Variants in TMEM132B observed in about 807,000 individuals in gnomAD.
The protein encoded by TMEM132B is transmembrane protein 132B.
In TMEM132B, 18 loss-of-function variants were observed where a neutral mutation model predicts 90.8. That is an observed-to-expected ratio of 0.20 (90% CI 0.14 to 0.29). TMEM132B has a LOEUF of 0.29. Among genes scored for constraint, TMEM132B ranks in the 10% least tolerant of loss-of-function variants. The pLI, the probability that TMEM132B is intolerant of heterozygous loss-of-function variation, is 1.00. For missense variants in TMEM132B, 1,096 were observed against 1,326.8 expected (o/e 0.83, Z 2.70); for synonymous variants, 504 against 523.3 (o/e 0.96, Z 0.50).
At chr12:125,205,100 C>T (rs1472518371) in intron 1 of TMEM132B, among the ~76,000 whole-genome samples, 2 of 150,256 alleles carry the variant, frequency 1.3e-5, no homozygotes, top group Non-Finnish European at 3.0e-5. Context: ...ATGAGGGCTC[C>T]GTGTACCAGG....
chr12:125,534,418 G>A (rs1435887911), intron 4 of TMEM132B, among the ~76,000 whole-genome samples: 2 of 152,192 alleles, frequency 1.3e-5, no homozygotes, highest in Non-Finnish European at 2.9e-5. Flanking sequence ...TCGAGAGGCT[G>A]AGGTGGGAGG....
intron 2 of TMEM132B, among the ~76,000 whole-genome samples, chr12:125,354,772 A>G (rs752970476): frequency 7.9e-5 from 12 of 152,154 alleles, no homozygotes; most frequent in Non-Finnish European, 1.3e-4. Context: ...TGGCACACCA[A>G]TTCTCTTTTA....
chr12:125,619,321 CATTTATTTATATTTATTTATTT>C (rs1886062896), intron 5 of TMEM132B, among the ~76,000 whole-genome samples: 1 of 150,002 alleles, frequency 6.7e-6, no homozygotes, highest in African/African-American at 2.5e-5. Flanking sequence ...CCTGCTGTGG[CATTTATTTATATTTATTTATTT>C]ATTTATTTAT....
intron 7 of TMEM132B, among the ~76,000 whole-genome samples, chr12:125,651,325 C>T (rs1181027016): frequency 6.6e-6 from 1 of 152,190 alleles, no homozygotes; most frequent in Admixed American, 6.5e-5. Flanking sequence ...TGTTTTTCCT[C>T]CTAACCTTGA....
chr12:125,307,416 T>C (rs1223169985), intron 1 of TMEM132B, among the ~76,000 whole-genome samples: 3 of 152,324 alleles, frequency 2.0e-5, no homozygotes, highest in Middle Eastern at 3.4e-3. Flanking sequence ...GTGATTTTCT[T>C]AACCTCTCTG....
rs1373644672 is a variant in TMEM132B at position 125,655,983 on chromosome 12, T to C, written c.*1273T>C. ...CCCAAAATCCATACAAATAAATGAC[T>C]ATTCCAGAACTCAAGAAGCAGCTAT... On this transcript the variant is annotated 3_prime_UTR_variant, in exon 9 of 9. Coordinates refer to ENST00000682704, the MANE Select transcript of TMEM132B (RefSeq NM_001366854.1). 6.6e-6 allele frequency: 1 copy of C among 151,802 alleles called. No homozygotes were observed. Among genetic ancestry groups the C allele is most frequent in the Non-Finnish European group, 1.5e-5 (1 of 67,976 alleles). 9.4% of individuals were successfully genotyped at this position (151,802 alleles called of 1,614,324 possible).
At chr12:125,463,853 G>T (rs576203755) in intron 3 of TMEM132B, among the ~76,000 whole-genome samples, 1 of 152,288 alleles carries the variant, frequency 6.6e-6, no homozygotes, top group South Asian at 2.1e-4. Context: ...TCACAGTTCT[G>T]CATGGCTGGA....
At chr12:125,653,505 AT>A (rs745890028) in intron 8 of TMEM132B, 59 bp from the exon 9 acceptor site, 32 of 1,500,248 alleles carry the variant, frequency 2.1e-5, no homozygotes, top group South Asian at 1.3e-4. Flanking sequence ...AATTATACTT[AT>A]GTTTTCAAAT....
At position 125,356,078 on chromosome 12, in the gene TMEM132B, T is replaced by C. The variant is rs182981016; in HGVS notation, c.959+5735T>C. ...TACACTTCCAGGAAAGTTTGAAATA[T>C]TATGAAATTCTGCCCCCTCCAAATA... On this transcript the variant is annotated intron_variant, in intron 2 of 8. Coordinates refer to ENST00000682704, the MANE Select transcript of TMEM132B (RefSeq NM_001366854.1). Among the ~76,000 whole-genome samples, 8 of 152,266 alleles carry C rather than the reference T, an allele frequency of 5.3e-5. No homozygotes were observed. In the East Asian group the frequency reaches 1.5e-3, roughly 29 times the overall value.
chr12:125,345,631 G>A (rs959217682), intron 1 of TMEM132B, among the ~76,000 whole-genome samples: 2 of 152,076 alleles, frequency 1.3e-5, no homozygotes, highest in African/African-American at 4.8e-5. Flanking sequence ...ATTTTGAGTC[G>A]GAGCATCCTT....
intron 1 of TMEM132B, among the ~76,000 whole-genome samples, chr12:125,250,812 G>C (rs543571288): frequency 1.6e-4 from 24 of 152,274 alleles, no homozygotes; most frequent in African/African-American, 5.8e-4. Context: ...CCACACTCAG[G>C]AGCCTGCAGG....
chr12:125,520,003 T>A (rs1190806593), intron 4 of TMEM132B, among the ~76,000 whole-genome samples: 1 of 152,224 alleles, frequency 6.6e-6, no homozygotes, highest in Non-Finnish European at 1.5e-5. Flanking sequence ...TCAATTGGCT[T>A]TGCCCTTAAG....
At chr12:125,470,909 G>T (rs1417931446) in intron 3 of TMEM132B, among the ~76,000 whole-genome samples, 1 of 152,210 alleles carries the variant, frequency 6.6e-6, no homozygotes, top group African/African-American at 2.4e-5. Flanking sequence ...TCCTCACAGA[G>T]ATCAGGCTCA....
chr12:125,595,466 T>C (rs1593012132), intron 5 of TMEM132B, among the ~76,000 whole-genome samples: 1 of 152,242 alleles, frequency 6.6e-6, no homozygotes, highest in South Asian at 2.1e-4. Flanking sequence ...TTGTATGTGA[T>C]AATAACTAGC....
intron 2 of TMEM132B, among the ~76,000 whole-genome samples, chr12:125,363,453 CAA>C (rs1878023953): frequency 1.3e-5 from 2 of 152,136 alleles, no homozygotes; most frequent in Non-Finnish European, 2.9e-5. Flanking sequence ...GGTCTAGGGG[CAA>C]GCAGTGTGGG....
chr12:125,472,902 A>G (rs545427628), intron 3 of TMEM132B, among the ~76,000 whole-genome samples: 54 of 152,342 alleles, frequency 3.5e-4, no homozygotes, highest in African/African-American at 1.3e-3. Flanking sequence ...AACAAAGTAT[A>G]GAAATGCAGT....
In TMEM132B at chr12:125,644,246, C is replaced by G; in HGVS notation, c.1608C>G (p.Ile536Met). ...TCTCAGACACCGAGCTGAGCCAGATCAAGGGCTGGAGGATCCCGGTTGCTG... is the reference window on the plus strand; with the variant it reads ...TCTCAGACACCGAGCTGAGCCAGATGAAGGGCTGGAGGATCCCGGTTGCTG... ...IEISDTELSQ[I>M]KGWRIPVAAN... The change falls in exon 6 of 9, where the codon ATC becomes ATG. Residue 536 changes from isoleucine to methionine, a missense_variant. Transcript: ENST00000682704. 6.2e-7 allele frequency: 1 copy of G among 1,614,182 alleles called. No individual in the cohort carries two copies. The highest frequency in any genetic ancestry group is 1.3e-5 in the African/African-American group (1 of 75,038).
rs569772863 is a variant in TMEM132B, at chr12:125,459,170, G to A, written c.1106+43493G>A. On this transcript the variant is annotated intron_variant, in intron 3 of 8. Coordinates refer to ENST00000682704, the MANE Select transcript of TMEM132B (RefSeq NM_001366854.1). This position sits in a 1 kb window ranked among gnomAD's most constrained non-coding sequence, Gnocchi z 4.1. Reference sequence around the variant, plus strand: ...GTCCATGCCTGTGTGGTTTGAACACGAGGAGGGGCTGAAACTGGGGCAGCT... The same window carrying A: ...GTCCATGCCTGTGTGGTTTGAACACAAGGAGGGGCTGAAACTGGGGCAGCT... 4.6e-5 allele frequency among the ~76,000 whole-genome samples: 7 copies of A among 152,278 alleles called. No individual in the cohort carries two copies. In the South Asian group the frequency reaches 8.3e-4, roughly 18 times the overall value.
At chr12:125,517,138 G>A (rs1178094002) in intron 3 of TMEM132B, among the ~76,000 whole-genome samples, 1 of 151,674 alleles carries the variant, frequency 6.6e-6, no homozygotes, top group Admixed American at 6.6e-5. Context: ...TTCAGAAACT[G>A]CTATTCAACA....
Sources: gnomAD v4.1 joint callset for allele counts (sites outside exome capture counted in the v4.1 genomes callset) on GRCh38, gnomAD v4.1.1 for gene constraint, Gnocchi (gnomAD v3.1) non-coding constraint, MANE v1.5 for transcripts, NCBI Gene and HGNC (gene_info 2026-07-23, HGNC 2026-07-21) for gene names.